The following ADAMTS9 variants were observed in gnomAD, a reference collection of about 807,000 sequenced individuals.
ADAMTS9 encodes A disintegrin and metalloproteinase with thrombospondin motifs 9.
In ADAMTS9, 107 loss-of-function variants were observed where a neutral mutation model predicts 257.1. The ratio of observed to expected loss-of-function variants is 0.42; its 90% CI spans 0.36 to 0.49. The LOEUF (loss-of-function observed/expected upper bound fraction) is 0.49, where lower values mean the gene tolerates loss of function less well. Ranked by LOEUF, ADAMTS9 falls within the 20% of genes least tolerant of loss-of-function variation. ADAMTS9 has a pLI of 0.03. For missense variants in ADAMTS9, 2,353 were observed against 2,469.1 expected, an observed-to-expected ratio of 0.95 and a Z score of 1.00; for synonymous variants, 982 against 880.9, an observed-to-expected ratio of 1.11 and a Z score of -2.03.
At chr3:64,602,404 T>C (rs942229388) in intron 25 of ADAMTS9, among the ~76,000 whole-genome samples, 191 bp from the exon 26 acceptor site, 2 of 152,216 alleles carry the variant, frequency 1.3e-5, no homozygotes, top group Non-Finnish European at 2.9e-5. Context: ...CAGCTCAGTA[T>C]TCAAAATCAC....
chr3:64,667,636 T>C (rs989736100), intron 3 of ADAMTS9, among the ~76,000 whole-genome samples: 1 of 152,188 alleles, frequency 6.6e-6, no homozygotes, highest in African/African-American at 2.4e-5. Context: ...GCATGAGAGC[T>C]GGGTGCACTA....
At chr3:64,524,214 C>A (rs1183708029) in intron 38 of ADAMTS9, among the ~76,000 whole-genome samples, 2 of 152,166 alleles carry the variant, frequency 1.3e-5, no homozygotes, top group Non-Finnish European at 2.9e-5. Context: ...CAAAGGAAAT[C>A]TTTTTATGTC....
intron 20 of ADAMTS9, 22 bp from the exon 21 acceptor site, chr3:64,615,507 A>G (rs746590785): frequency 3.8e-6 from 6 of 1,588,372 alleles, no homozygotes; most frequent in South Asian, 3.5e-5. Flanking sequence ...AAATAAATAA[A>G]TAAAACTGTT....
Position 64,651,233 on chromosome 3 carries a change from G to T in ADAMTS9, c.1317-70C>A, listed in dbSNP as rs1479320225. ...GGATCATGCTGTTCTAATTGCTTCA[G>T]GAATGCAACTATCTAAGAGAAAAAA... is the stretch of plus-strand genomic sequence containing the variant. On this transcript the variant is annotated intron_variant, in intron 8 of 39. Transcript: ENST00000498707. The T allele has an allele frequency of 1.2e-5, 16 of 1,372,564 alleles. No individual in the cohort carries two copies. The East Asian group carries it at 4.0e-4, about 35-fold the overall frequency. 85.0% of individuals were successfully genotyped at this position (1,372,564 alleles called of 1,614,324 possible). A position where few individuals can be genotyped will look rare whatever the true frequency, so the allele number is the denominator to read the frequency against.
In ADAMTS9 at chr3:64,604,345, G is replaced by A. The variant is rs1408013388; in HGVS notation, c.3475-14C>T. 6.5e-7 allele frequency: 1 copy of A among 1,541,726 alleles called. No individual in the cohort carries two copies. Among genetic ancestry groups the A allele is most frequent in the South Asian group, 1.2e-5 (1 of 81,188 alleles). On this transcript the variant is annotated splice_polypyrimidine_tract_variant and intron_variant, in intron 23 of 39. Transcript: ENST00000498707. The stretch of plus-strand genomic sequence containing the variant: ...TAATTCACAGTCCTAGACGTGATGG[G>A]GGAAAAAAAAACAAAGTCACTTTCA...
At chr3:64,625,430 T>C (rs951729894) in intron 16 of ADAMTS9, among the ~76,000 whole-genome samples, 1 of 152,168 alleles carries the variant, frequency 6.6e-6, no homozygotes, top group Non-Finnish European at 1.5e-5. Flanking sequence ...AAATATTATA[T>C]CCTTATGTGG....
chr3:64,518,085 T>C (rs2082803251), intron 39 of ADAMTS9, among the ~76,000 whole-genome samples: 1 of 152,200 alleles, frequency 6.6e-6, no homozygotes, highest in African/African-American at 2.4e-5. Context: ...GGAAGAATGA[T>C]GTAATCCTAG....
chr3:64,611,514 G>A (rs958818657), intron 22 of ADAMTS9, among the ~76,000 whole-genome samples: 1 of 152,004 alleles, frequency 6.6e-6, no homozygotes, highest in Non-Finnish European at 1.5e-5. Flanking sequence ...TAGTTCAGTG[G>A]TCCCCAGACT....
intron 28 of ADAMTS9, among the ~76,000 whole-genome samples, chr3:64,590,608 T>A (rs1344615997): frequency 6.6e-6 from 1 of 152,120 alleles, no homozygotes; most frequent in Non-Finnish European, 1.5e-5. Flanking sequence ...AGCAGTGAGG[T>A]TATAAAATAC....
intron 38 of ADAMTS9, among the ~76,000 whole-genome samples, chr3:64,527,727 T>C (rs937769694): frequency 6.6e-6 from 1 of 152,226 alleles, no homozygotes; most frequent in East Asian, 1.9e-4. Context: ...CTAATTTCTA[T>C]AGGAATATAC....
chr3:64,647,252 T>G (rs184522337), intron 11 of ADAMTS9, among the ~76,000 whole-genome samples: 34 of 152,264 alleles, frequency 2.2e-4, no homozygotes, highest in African/African-American at 8.2e-4. Flanking sequence ...ACCAAATTTT[T>G]GGGCTGATGA....
At chr3:64,643,151 G>T (rs756242263) in intron 11 of ADAMTS9, among the ~76,000 whole-genome samples, 3 of 152,096 alleles carry the variant, frequency 2.0e-5, no homozygotes, top group African/African-American at 4.8e-5. Flanking sequence ...CATGAAATGC[G>T]CACTGAGGCA....
At position 64,604,131 on chromosome 3, in the gene ADAMTS9, T is replaced by C. The variant is rs9985241; in HGVS notation, c.3580-42A>G. ...AATCATGCAGTTATATTACGTGGAATGGCTGCTTACTGGACAGTAGCCCAC... is the reference window on the plus strand; with the variant it reads ...AATCATGCAGTTATATTACGTGGAACGGCTGCTTACTGGACAGTAGCCCAC... On this transcript the variant is annotated intron_variant, in intron 24 of 39. Coordinates refer to ENST00000498707, the MANE Select transcript of ADAMTS9 (RefSeq NM_182920.2). 6,019 of 1,610,930 alleles carry C rather than the reference T, an allele frequency of 3.7e-3. 188 individuals are homozygous for C. The African/African-American group carries it at 0.067, about 18-fold the overall frequency.
Position 64,683,519 on chromosome 3 carries a change from A to AT in ADAMTS9, c.517-2157dup, listed in dbSNP as rs200194553. On this transcript the variant is annotated intron_variant, in intron 2 of 39. Coordinates refer to ENST00000498707, the MANE Select transcript of ADAMTS9 (RefSeq NM_182920.2). The stretch of plus-strand genomic sequence containing the variant: ...AAGTCTCCAGCTCTCAAAGTCTCAG[A>AT]TTTTTTTTTGTCAGTAAAATGTGTT... 4.7e-4 allele frequency among the ~76,000 whole-genome samples: 72 copies of AT among 151,746 alleles called. No individual in the cohort carries two copies. The East Asian group carries it at 0.01, about 22-fold the overall frequency.
At chr3:64,522,888 C>T (rs895875353) in intron 38 of ADAMTS9, among the ~76,000 whole-genome samples, 3 of 151,870 alleles carry the variant, frequency 2.0e-5, no homozygotes, top group African/African-American at 7.3e-5. Flanking sequence ...ATTTAGATGA[C>T]AAAGGATTGT....
intron 28 of ADAMTS9, among the ~76,000 whole-genome samples, chr3:64,575,419 G>A (rs1041412288): frequency 6.6e-6 from 1 of 152,140 alleles, no homozygotes; most frequent in Non-Finnish European, 1.5e-5. Flanking sequence ...GGGGCCTGGG[G>A]CTAGGTTATG....
At chr3:64,646,139 T>C (rs1325315908) in intron 11 of ADAMTS9, among the ~76,000 whole-genome samples, 1 of 152,216 alleles carries the variant, frequency 6.6e-6, no homozygotes, top group Non-Finnish European at 1.5e-5. Context: ...TCCATCAGGT[T>C]AAGAACCACA....
chr3:64,516,161 T>A lies in ADAMTS9; in HGVS notation c.*966A>T, dbSNP rs2082772700. 1 of 152,396 alleles carries A rather than the reference T, an allele frequency of 6.6e-6. No individual in the cohort carries two copies. The highest frequency in any genetic ancestry group is 1.5e-5 in the Non-Finnish European group (1 of 68,034). 9.4% of individuals were successfully genotyped at this position (152,396 alleles called of 1,614,324 possible). ...AATTTCTCCAGGTGTGCTCGTGAGC[T>A]GAAGGTCATGCCCATTCTGTGCATC... On this transcript the variant is annotated 3_prime_UTR_variant, in exon 40 of 40. Coordinates refer to ENST00000498707, the MANE Select transcript of ADAMTS9 (RefSeq NM_182920.2).
chr3:64,639,777 G>C (rs999874807), intron 12 of ADAMTS9, among the ~76,000 whole-genome samples: 1 of 152,086 alleles, frequency 6.6e-6, no homozygotes, highest in Non-Finnish European at 1.5e-5. Context: ...TTCTTTTAAA[G>C]CTTCAACAAT....
Sources: gnomAD v4.1 joint callset for allele counts (sites outside exome capture counted in the v4.1 genomes callset) on GRCh38, gnomAD v4.1.1 for gene constraint, MANE v1.5 for transcripts, NCBI Gene and HGNC (gene_info 2026-07-23, HGNC 2026-07-21) for gene names.